SLC25A53: variants seen among roughly 807,000 people sequenced by gnomAD.
SLC25A53 encodes the protein mitochondrial carrier triple repeat protein 6.
SLC25A53 carries 5 observed loss-of-function variants against 15.0 expected under a neutral mutation model. The observed-to-expected ratio is 0.33, with a 90% CI of 0.17 to 0.70. The LOEUF (loss-of-function observed/expected upper bound fraction) is 0.70. Among genes scored for constraint, SLC25A53 ranks in the 30% least tolerant of loss-of-function variants. The pLI is 0.67. For missense variants in SLC25A53, 216 were observed against 241.6 expected (o/e 0.89, Z 0.70); for synonymous variants, 95 against 100.0 (o/e 0.95, Z 0.30).
At position 104,105,022 on chromosome X, in the gene SLC25A53, C is replaced by T. The variant is rs1300891685; in HGVS notation, c.236G>A (p.Arg79Gln). The change falls in exon 2 of 2, where the codon CGG becomes CAG. Residue 79 changes from arginine to glutamine, a missense_variant. Physicochemically the swap from Arg to Gln is conservative, Grantham distance 43 (BLOSUM62 1). Coordinates refer to ENST00000594199, the MANE Select transcript of SLC25A53 (RefSeq NM_001012755.5). ...LWHEGPQYFY[R>Q]GIYPPLLSKT... is the part of the protein sequence containing the mutation. ...GGAGAGAAGAGGAGGGTAGATTCCCCGGTAGAAGTATTGAGGACCTTCATG... is the reference window on the plus strand; with the variant it reads ...GGAGAGAAGAGGAGGGTAGATTCCCTGGTAGAAGTATTGAGGACCTTCATG... 5.0e-6 allele frequency: 6 copies of T among 1,211,596 alleles called. No individual in the cohort carries two copies. The highest frequency in any genetic ancestry group is 1.8e-5 in the South Asian group (1 of 56,984).
At chrX:104,130,704 A>C (rs1259288587) in intron 1 of SLC25A53, 1 of 110,107 alleles carries the variant, frequency 9.1e-6, no homozygotes, top group East Asian at 2.9e-4. Context: ...CCTATCTTCA[A>C]CATTCTCTTT....
At chrX:104,135,513 C>T (rs781873070) in intron 1 of SLC25A53, among the ~76,000 whole-genome samples, 4 of 110,890 alleles carry the variant, frequency 3.6e-5, no homozygotes, top group East Asian at 5.7e-4. Context: ...ATCTAAGAAA[C>T]GACCAAATCC....
intron 1 of SLC25A53, among the ~76,000 whole-genome samples, chrX:104,132,095 C>A (rs2147875323): frequency 8.9e-6 from 1 of 112,555 alleles, no homozygotes; most frequent in East Asian, 2.8e-4. Flanking sequence ...AATACTAGGT[C>A]TCTGGCAGAG....
chrX:104,152,930 T>C (rs1233052752), intron 1 of SLC25A53, among the ~76,000 whole-genome samples: 1 of 111,621 alleles, frequency 9.0e-6, no homozygotes, highest in Non-Finnish European at 1.9e-5. Flanking sequence ...GGATGAAGCA[T>C]TGACAAGAGT....
intron 1 of SLC25A53, among the ~76,000 whole-genome samples, chrX:104,128,264 A>G (rs1287993090): frequency 1.8e-5 from 2 of 111,758 alleles, no homozygotes; most frequent in Non-Finnish European, 3.8e-5. Flanking sequence ...GTACTTTTAG[A>G]CCCTAAAGAG....
intron 1 of SLC25A53, among the ~76,000 whole-genome samples, chrX:104,118,490 T>A (rs1280660407): frequency 8.8e-6 from 1 of 113,153 alleles, no homozygotes; most frequent in African/African-American, 3.2e-5. Flanking sequence ...ATTCCAAGCT[T>A]ATTACATGCC....
rs1221050297 is a variant in SLC25A53, at chrX:104,102,712, A to C, written c.*1622T>G. 3.6e-5 allele frequency: 4 copies of C among 111,977 alleles called. No homozygotes were observed. Among genetic ancestry groups the C allele is most frequent in the Admixed American group, 9.5e-5 (1 of 10,542 alleles). The allele number at this position is 111,977 out of a possible 1,213,427, so 9.2% of individuals were successfully genotyped here. A position where few individuals can be genotyped will look rare whatever the true frequency, so the allele number is the denominator to read the frequency against. ...GGCACAATGGAAGATTTTAAAATGC[A>C]TACAAAAATCCCTGCTTTCAATGAG... On this transcript the variant is annotated 3_prime_UTR_variant, in exon 2 of 2. Coordinates refer to ENST00000594199, the MANE Select transcript of SLC25A53 (RefSeq NM_001012755.5).
At chrX:104,147,533 A>ATTT (rs2075471682) in intron 1 of SLC25A53, among the ~76,000 whole-genome samples, 1 of 102,385 alleles carries the variant, frequency 9.8e-6, no homozygotes, top group Admixed American at 1.1e-4. Flanking sequence ...ACGGGAGAAA[A>ATTT]TTTTTGCAAC....
intron 1 of SLC25A53, among the ~76,000 whole-genome samples, chrX:104,127,019 G>A (rs1293249349): frequency 6.2e-5 from 7 of 112,314 alleles, no homozygotes; most frequent in East Asian, 2.8e-4. Context: ...CCAGAGAAAT[G>A]AAAACTTATA....
intron 1 of SLC25A53, among the ~76,000 whole-genome samples, chrX:104,151,636 T>A (rs1415945698): frequency 9.0e-6 from 1 of 111,711 alleles, no homozygotes; most frequent in Non-Finnish European, 1.9e-5. Flanking sequence ...ACAGAAAATA[T>A]GGACTGGGAA....
At chrX:104,109,897 A>C (rs2075330567) in intron 1 of SLC25A53, among the ~76,000 whole-genome samples, 1 of 112,103 alleles carries the variant, frequency 8.9e-6, no homozygotes, top group Admixed American at 9.5e-5. Context: ...CCAAACCTTC[A>C]AGCTTTTAAG....
At chrX:104,126,796 ATAAGC>A (rs1207244061) in intron 1 of SLC25A53, among the ~76,000 whole-genome samples, 2 of 112,624 alleles carry the variant, frequency 1.8e-5, no homozygotes, top group African/African-American at 3.2e-5. Flanking sequence ...TAAAACCACA[ATAAGC>A]TAAGCTATCA....
At position 104,101,952 on chromosome X, in the gene SLC25A53, T is replaced by C. The variant is rs1176601751; in HGVS notation, c.*2382A>G. 8.9e-6 allele frequency: 1 copy of C among 112,378 alleles called. No individual in the cohort carries two copies. The highest frequency in any genetic ancestry group is 1.9e-5 in the Non-Finnish European group (1 of 53,285). 9.3% of individuals were successfully genotyped at this position (112,378 alleles called of 1,213,427 possible). A position where few individuals can be genotyped will look rare whatever the true frequency, so the allele number is the denominator to read the frequency against. On this transcript the variant is annotated 3_prime_UTR_variant, in exon 2 of 2. Transcript: ENST00000594199. ...ACATGGATGGACAGAATGACATAAG[T>C]GGAAATCACCAGTGTACTTGGGAGA...
At chrX:104,144,170 G>A (rs990135155) in intron 1 of SLC25A53, among the ~76,000 whole-genome samples, 2 of 111,867 alleles carry the variant, frequency 1.8e-5, no homozygotes, top group South Asian at 3.8e-4. Context: ...GACCATCGAC[G>A]CTATGAAGAA....
Position 104,105,232 on chromosome X carries a change from C to T in SLC25A53, c.26G>A (p.Gly9Glu). 1 of 1,209,044 alleles carries T rather than the reference C, an allele frequency of 8.3e-7. No homozygotes were observed. Residue 9 changes from glycine (G) to glutamate (E), a missense_variant, in exon 2 of 2, where the codon GGG becomes GAG. Coordinates refer to ENST00000594199, the MANE Select transcript of SLC25A53 (RefSeq NM_001012755.5). ...TCGCGTCCTGTGCTGAAGCTCCTTC[C>T]CGGGAGAGTGGTTCTGCTCCCCCAT... MGEQNHSP[G>E]KELQHRTRAE...
chrX:104,118,387 T>G (rs1453268764), intron 1 of SLC25A53, among the ~76,000 whole-genome samples: 2 of 112,027 alleles, frequency 1.8e-5, no homozygotes, highest in Non-Finnish European at 3.8e-5. Context: ...ATCTTTTTGA[T>G]GCCTACTTCT....
At chrX:104,121,922 T>TC (rs2075395262) in intron 1 of SLC25A53, among the ~76,000 whole-genome samples, 38 of 45,375 alleles carry the variant, frequency 8.4e-4, no homozygotes, top group Non-Finnish European at 1.2e-3. Flanking sequence ...TATATATATA[T>TC]ATATATATAT....
rs1386417395 is a variant in SLC25A53 at position 104,104,884 on chromosome X, C to A, written c.374G>T (p.Gly125Val). Residue 125 changes from glycine (G) to valine (V), a missense_variant, in exon 2 of 2, where the codon GGC becomes GTC. Coordinates refer to ENST00000594199, the MANE Select transcript of SLC25A53 (RefSeq NM_001012755.5). ...GHRWAAGLMSGVVEAVALSPF... is the reference protein window; with the variant it reads ...GHRWAAGLMSVVVEAVALSPF... ...GCTGAGTGCCACGGCCTCCACCACGCCAGACATGAGCCCGGCAGCCCAGCG... is the reference window on the plus strand; with the variant it reads ...GCTGAGTGCCACGGCCTCCACCACGACAGACATGAGCCCGGCAGCCCAGCG... The A allele has an allele frequency of 8.3e-7, 1 of 1,210,057 alleles. No homozygotes were observed. Among genetic ancestry groups the A allele is most frequent in the Non-Finnish European group, 1.1e-6 (1 of 895,314 alleles).
intron 1 of SLC25A53, chrX:104,113,948 C>A: frequency 1.2e-6 from 1 of 863,463 alleles, no homozygotes; most frequent in Non-Finnish European, 1.6e-6. Context: ...GACTGCTTCC[C>A]CACAGCCCAC....
Sources: gnomAD v4.1 joint callset for allele counts (sites outside exome capture counted in the v4.1 genomes callset) on GRCh38, gnomAD v4.1.1 for gene constraint, MANE v1.5 for transcripts, NCBI Gene and HGNC (gene_info 2026-07-23, HGNC 2026-07-21) for gene names.